ADGRL4: variants seen among roughly 807,000 people sequenced by gnomAD.
ADGRL4 encodes adhesion G protein-coupled receptor L4.
Under a neutral mutation model 74.8 loss-of-function variants are expected in ADGRL4, and 90 were observed. That is an observed-to-expected ratio of 1.20 (90% CI 1.02 to 1.43). ADGRL4 has a LOEUF of 1.43. ADGRL4 is among the 40% of genes most tolerant of loss of function. The pLI is 0.00. For synonymous variants in ADGRL4, 311 were observed against 279.2 expected (o/e 1.11, Z -1.14); for missense variants, 881 against 814.3 (o/e 1.08, Z -1.00).
At chr1:78,892,318 T>C (rs1453337064) in intron 13 of ADGRL4, among the ~76,000 whole-genome samples, 1 of 152,192 alleles carries the variant, frequency 6.6e-6, no homozygotes, top group Non-Finnish European at 1.5e-5. Context: ...TACGCACTCT[T>C]ACATCTTTTC....
intron 2 of ADGRL4, among the ~76,000 whole-genome samples, chr1:78,982,387 C>A (rs1482074801): frequency 6.6e-6 from 1 of 151,594 alleles, no homozygotes; most frequent in Non-Finnish European, 1.5e-5. Context: ...TACAAGAAAC[C>A]CATTTCAAAG....
At chr1:78,969,481 G>A (rs1351202568) in intron 2 of ADGRL4, among the ~76,000 whole-genome samples, 1 of 152,144 alleles carries the variant, frequency 6.6e-6, no homozygotes, top group African/African-American at 2.4e-5. Context: ...GGGACCTTAA[G>A]AGACAGGATC....
rs1649943855 is a variant in ADGRL4, at chr1:78,961,177, G to A, written c.173-14751C>T. 3.9e-5 allele frequency among the ~76,000 whole-genome samples: 6 copies of A among 152,048 alleles called. No individual in the cohort carries two copies. The South Asian group carries it at 1.2e-3, about 32-fold the overall frequency. ...GCTCACTGCAACCTCCGCCTCCTGG[G>A]TTCAAGTGATTCTCCTGCCTCAGCC... On this transcript the variant is annotated intron_variant, in intron 2 of 14. Transcript: ENST00000370742.
intron 8 of ADGRL4, among the ~76,000 whole-genome samples, chr1:78,923,432 G>A (rs1009408750): frequency 3.3e-5 from 5 of 151,984 alleles, no homozygotes; most frequent in Non-Finnish European, 5.9e-5. Context: ...CCATGGCCAG[G>A]AGCCTGCCTG....
At chr1:78,919,916 C>T (rs368901830) in intron 10 of ADGRL4, among the ~76,000 whole-genome samples, 72 of 151,916 alleles carry the variant, frequency 4.7e-4, no homozygotes, top group African/African-American at 1.7e-3. Flanking sequence ...AACAGAACAA[C>T]AAAAAAGTAT....
intron 14 of ADGRL4, 102 bp from the exon 15 acceptor site, chr1:78,891,318 A>G (rs1344313740): frequency 1.4e-5 from 18 of 1,322,988 alleles, no homozygotes; most frequent in Non-Finnish European, 1.9e-5. Flanking sequence ...TTTCTAAAGT[A>G]TTATAGCTCA....
At chr1:78,944,802 T>C (rs986590185) in intron 3 of ADGRL4, among the ~76,000 whole-genome samples, 5 of 152,158 alleles carry the variant, frequency 3.3e-5, no homozygotes, top group Non-Finnish European at 5.9e-5. Flanking sequence ...TATTCCTTTT[T>C]TACATAACAG....
chr1:78,954,525 T>G (rs941447001), intron 2 of ADGRL4, among the ~76,000 whole-genome samples: 1 of 152,108 alleles, frequency 6.6e-6, no homozygotes, highest in Non-Finnish European at 1.5e-5. Context: ...GACATGCATT[T>G]CCCCATAAGA....
At chr1:78,953,454 AG>A (rs1649770287) in intron 2 of ADGRL4, among the ~76,000 whole-genome samples, 1 of 152,226 alleles carries the variant, frequency 6.6e-6, no homozygotes, top group South Asian at 2.1e-4. Context: ...AAAAACTATT[AG>A]AATAGTATCA....
chr1:78,944,013 A>G (rs537994092), intron 3 of ADGRL4, among the ~76,000 whole-genome samples: 1 of 152,320 alleles, frequency 6.6e-6, no homozygotes, highest in East Asian at 1.9e-4. Flanking sequence ...ATCAAGAGAA[A>G]GAGTCTTCAA....
intron 2 of ADGRL4, among the ~76,000 whole-genome samples, chr1:78,952,029 A>G (rs189410644): frequency 8.5e-5 from 13 of 152,166 alleles, no homozygotes; most frequent in Non-Finnish European, 1.6e-4. Flanking sequence ...TCTCAACAAG[A>G]TTTTAGTTTA....
chr1:78,976,575 C>T (rs1183622284), intron 2 of ADGRL4, among the ~76,000 whole-genome samples: 1 of 151,556 alleles, frequency 6.6e-6, no homozygotes, highest in Non-Finnish European at 1.5e-5. Context: ...TAAATGATTA[C>T]ATGTTAAATA....
Position 78,946,436 on chromosome 1 carries a change from T to A in ADGRL4, c.173-10A>T. 6.3e-7 allele frequency: 1 copy of A among 1,590,888 alleles called. No individual in the cohort carries two copies. The highest frequency in any genetic ancestry group is 8.6e-7 in the Non-Finnish European group (1 of 1,169,576). On this transcript the variant is annotated splice_polypyrimidine_tract_variant and intron_variant, in intron 2 of 14. Coordinates refer to ENST00000370742, the MANE Select transcript of ADGRL4 (RefSeq NM_022159.4). Reference sequence around the variant, plus strand: ...CCACATTCATTATCATCTGTTGGCATATGAATTTAAAAGATTATTTTTATA... The same window carrying A: ...CCACATTCATTATCATCTGTTGGCAAATGAATTTAAAAGATTATTTTTATA...
chr1:78,926,595 G>A (rs527547709), intron 8 of ADGRL4, among the ~76,000 whole-genome samples: 2 of 151,772 alleles, frequency 1.3e-5, no homozygotes, highest in East Asian at 1.9e-4. Context: ...CTCATTCTTC[G>A]AAACCATGGA....
chr1:78,900,115 G>T (rs189441344), intron 12 of ADGRL4, among the ~76,000 whole-genome samples: 40 of 152,224 alleles, frequency 2.6e-4, no homozygotes, highest in African/African-American at 9.4e-4. Context: ...GCTGTTGCTG[G>T]CTTTGAAGAT....
chr1:78,918,818 A>C (rs1439167797), intron 10 of ADGRL4, among the ~76,000 whole-genome samples: 1 of 151,934 alleles, frequency 6.6e-6, no homozygotes, highest in Non-Finnish European at 1.5e-5. Context: ...AATATGTTAG[A>C]GAGTACTCTA....
intron 2 of ADGRL4, among the ~76,000 whole-genome samples, chr1:78,993,720 C>G (rs539512187): frequency 6.6e-6 from 1 of 152,072 alleles, no homozygotes; most frequent in Non-Finnish European, 1.5e-5. Flanking sequence ...AGGTGCCCAC[C>G]ACCATGCTCG....
At chr1:78,911,186 A>G (rs1249402111) in intron 12 of ADGRL4, among the ~76,000 whole-genome samples, 2 of 151,846 alleles carry the variant, frequency 1.3e-5, no homozygotes, top group African/African-American at 4.8e-5. Flanking sequence ...TTCTTACTCT[A>G]GAAGTCCTTA....
chr1:79,003,866 T>G (rs1650892739), intron 2 of ADGRL4, among the ~76,000 whole-genome samples: 1 of 151,972 alleles, frequency 6.6e-6, no homozygotes, highest in African/African-American at 2.4e-5. Context: ...CACAATACAT[T>G]TCTAAGATTA....
Sources: gnomAD v4.1 joint callset for allele counts (sites outside exome capture counted in the v4.1 genomes callset) on GRCh38, gnomAD v4.1.1 for gene constraint, MANE v1.5 for transcripts, NCBI Gene and HGNC (gene_info 2026-07-23, HGNC 2026-07-21) for gene names.